UGT1A5: variants seen among roughly 807,000 people sequenced by gnomAD.
UGT1A5 encodes UDP-glucuronosyltransferase 1A5.
A neutral mutation model predicts 40.3 loss-of-function variants in UGT1A5; 29 were observed. The observed-to-expected ratio is 0.72, with a 90% CI of 0.54 to 0.98. UGT1A5 has a LOEUF of 0.98. Among genes scored for constraint, UGT1A5 ranks in the 50% least tolerant of loss-of-function variants. The probability of loss-of-function intolerance (pLI) is 0.00; values close to 1 mark genes in which losing one functional copy is unlikely to be tolerated. For synonymous variants in UGT1A5, 257 were observed against 262.5 expected, an observed-to-expected ratio of 0.98 and a Z score of 0.20; for missense variants, 678 against 677.9, an observed-to-expected ratio of 1.00 and a Z score of 0.00.
At chr2:233,748,654 C>T (rs1693998428) in intron 1 of UGT1A5, among the ~76,000 whole-genome samples, 1 of 151,632 alleles carries the variant, frequency 6.6e-6, no homozygotes, top group Admixed American at 6.6e-5. Flanking sequence ...ACACTGAGTT[C>T]AGTTTCCAGA....
intron 1 of UGT1A5, chr2:233,729,891 G>A: frequency 1.2e-6 from 2 of 1,613,886 alleles, no homozygotes; most frequent in Non-Finnish European, 1.7e-6. Flanking sequence ...CATCTGTGTG[G>A]CTGTTCCGAG....
chr2:233,744,059 G>A (rs1241791762), intron 1 of UGT1A5: 4 of 568,466 alleles, frequency 7.0e-6, no homozygotes, highest in Non-Finnish European at 1.1e-5. Context: ...ATTGGTCGAG[G>A]CCTATGAGCG....
chr2:233,764,867 GCC>G (rs779119414), intron 1 of UGT1A5, among the ~76,000 whole-genome samples: 19,818 of 152,112 alleles, frequency 0.13, 1,414 homozygotes, highest in East Asian at 0.2. Flanking sequence ...TTTTAGATGA[GCC>G]CAAGGGAAAA....
chr2:233,747,025 G>A (rs1332207172), intron 1 of UGT1A5, among the ~76,000 whole-genome samples: 1 of 151,910 alleles, frequency 6.6e-6, no homozygotes. Flanking sequence ...GGTCTTTCCC[G>A]AAGTGGGACC....
intron 1 of UGT1A5, among the ~76,000 whole-genome samples, chr2:233,732,565 C>G (rs891048525): frequency 2.0e-5 from 3 of 152,178 alleles, no homozygotes; most frequent in African/African-American, 7.2e-5. Context: ...AATAAGGAAT[C>G]CTTTCCCCAT....
At chr2:233,743,080 T>G in intron 1 of UGT1A5, 1 of 343,656 alleles carries the variant, frequency 2.9e-6, no homozygotes. Flanking sequence ...TGGCATGAAG[T>G]GTTTATAAAT....
intron 1 of UGT1A5, chr2:233,718,949 C>T: frequency 1.9e-6 from 3 of 1,614,166 alleles, no homozygotes; most frequent in Non-Finnish European, 2.5e-6. Context: ...CCTGGCTCAG[C>T]ATGCGGGAGG....
intron 1 of UGT1A5, 77 bp from the exon 2 acceptor site, chr2:233,766,957 C>A: frequency 6.2e-7 from 1 of 1,604,766 alleles, no homozygotes; most frequent in East Asian, 2.2e-5. Context: ...AGGAAGATAT[C>A]TAATTCATAA....
At chr2:233,747,030 G>A (rs1487472781) in intron 1 of UGT1A5, among the ~76,000 whole-genome samples, 1 of 151,896 alleles carries the variant, frequency 6.6e-6, no homozygotes, top group Non-Finnish European at 1.5e-5. Context: ...TTCCCGAAGT[G>A]GGACCCATAA....
rs900393425 is a variant in UGT1A5 at position 233,715,048 on chromosome 2, C to CT, written c.867+1199dup. 1.6e-3 allele frequency among the ~76,000 whole-genome samples: 238 copies of CT among 151,030 alleles called. 1 individual carries two copies. The highest frequency in any genetic ancestry group is 5.1e-3 in the African/African-American group (208 of 41,174). On this transcript the variant is annotated intron_variant, in intron 1 of 4. Coordinates refer to ENST00000373414, the MANE Select transcript of UGT1A5 (RefSeq NM_019078.2). ...CATGGCACCACATCCAGCTAATTTT[C>CT]TTTTTTTTTGTATTTTTTATGGAGA...
rs1041496963 is a variant in UGT1A5, at chr2:233,755,204, C to T, written c.868-11830C>T. On this transcript the variant is annotated intron_variant, in intron 1 of 4. Coordinates refer to ENST00000373414, the MANE Select transcript of UGT1A5 (RefSeq NM_019078.2). ...GCCACTTGAGCGCCAGCTTGCGGTA[C>T]GCCTTCTTGATACCCTCGGACGAGG... The T allele has an allele frequency of 2.6e-4, 287 of 1,089,324 alleles. 1 individual carries two copies. Among genetic ancestry groups the T allele is most frequent in the Non-Finnish European group, 3.4e-4 (263 of 769,354 alleles). 67.5% of individuals were successfully genotyped at this position (1,089,324 alleles called of 1,614,324 possible).
chr2:233,737,036 C>T (rs2078836192), intron 1 of UGT1A5, among the ~76,000 whole-genome samples: 1 of 152,178 alleles, frequency 6.6e-6, no homozygotes, highest in Non-Finnish European at 1.5e-5. Flanking sequence ...TCTCAGAGCT[C>T]AAATGCCATA....
At chr2:233,767,701 T>C in intron 2 of UGT1A5, 148 bp from the exon 3 acceptor site, 1 of 1,506,270 alleles carries the variant, frequency 6.6e-7, no homozygotes, top group Admixed American at 2.1e-5. Flanking sequence ...AAGTTGCCAG[T>C]CCTCAGAAGC....
intron 1 of UGT1A5, among the ~76,000 whole-genome samples, chr2:233,763,842 A>G (rs1366123587): frequency 6.6e-6 from 1 of 152,224 alleles, no homozygotes; most frequent in Non-Finnish European, 1.5e-5. Context: ...AGGGTAAGAT[A>G]GCAGTGGTTC....
intron 1 of UGT1A5, chr2:233,719,816 T>A: frequency 6.3e-7 from 1 of 1,580,710 alleles, no homozygotes; most frequent in Non-Finnish European, 8.6e-7. Context: ...TTATAACAGA[T>A]AAACTGTTGA....
rs573485749 is a variant in UGT1A5 at position 233,724,715 on chromosome 2, C to G, written c.867+10857C>G. On this transcript the variant is annotated intron_variant, in intron 1 of 4. Coordinates refer to ENST00000373414, the MANE Select transcript of UGT1A5 (RefSeq NM_019078.2). ...GTGAAGACGCTCCTCGCTTTCCAGACTGGGCAGCCAGGCAGAGGGGCTCCT... is the reference window on the plus strand; with the variant it reads ...GTGAAGACGCTCCTCGCTTTCCAGAGTGGGCAGCCAGGCAGAGGGGCTCCT... Among the ~76,000 whole-genome samples, 232 of 143,874 alleles carry G rather than the reference C, an allele frequency of 1.6e-3. 23 individuals carry two copies. Among genetic ancestry groups the G allele is most frequent in the African/African-American group, 6.0e-3 (227 of 38,016 alleles). The allele number at this position is 143,874 out of a possible 152,430, so 94.4% of individuals were successfully genotyped here. A position where few individuals can be genotyped will look rare whatever the true frequency, so the allele number is the denominator to read the frequency against.
intron 1 of UGT1A5, among the ~76,000 whole-genome samples, chr2:233,763,394 A>G (rs567930530): frequency 6.6e-6 from 1 of 152,328 alleles, no homozygotes; most frequent in South Asian, 2.1e-4. Context: ...TTTAAACAAC[A>G]TGGCACTGGT....
chr2:233,719,044 T>C (rs2076716677), intron 1 of UGT1A5: 2 of 1,614,154 alleles, frequency 1.2e-6, no homozygotes, highest in African/African-American at 1.3e-5. Flanking sequence ...GAGAAATTTT[T>C]CACCCTGACA....
chr2:233,742,737 C>A (rs1559386227), intron 1 of UGT1A5: 1 of 152,816 alleles, frequency 6.5e-6, no homozygotes, highest in Non-Finnish European at 1.5e-5. Flanking sequence ...ATTCAAATGT[C>A]TGACCTCCAA....
Sources: gnomAD v4.1 joint callset for allele counts (sites outside exome capture counted in the v4.1 genomes callset) on GRCh38, gnomAD v4.1.1 for gene constraint, MANE v1.5 for transcripts, NCBI Gene and HGNC (gene_info 2026-07-23, HGNC 2026-07-21) for gene names.